The following MSRB2 variants were observed in gnomAD, a reference collection of about 807,000 sequenced individuals.
The protein encoded by MSRB2 is methionine-R-sulfoxide reductase B2, mitochondrial.
MSRB2 carries 17 observed loss-of-function variants against 19.0 expected under a neutral mutation model. That is an observed-to-expected ratio of 0.89 (90% CI 0.61 to 1.34). MSRB2 has a LOEUF of 1.34. Among genes scored for constraint, MSRB2 ranks in the 40% most tolerant of loss-of-function variants. The pLI is 0.00. For synonymous variants in MSRB2, 107 were observed against 99.7 expected (o/e 1.07, Z -0.44); for missense variants, 208 against 237.6 (o/e 0.88, Z 0.82).
chr10:23,119,663 G>T (rs1292521166), intron 4 of MSRB2, among the ~76,000 whole-genome samples: 3 of 152,102 alleles, frequency 2.0e-5, no homozygotes, highest in Non-Finnish European at 4.4e-5. Context: ...GAGTGCAGTG[G>T]CATGATCTCA....
intron 2 of MSRB2, among the ~76,000 whole-genome samples, chr10:23,107,605 C>T (rs986154291): frequency 2.0e-5 from 3 of 152,208 alleles, no homozygotes; most frequent in Admixed American, 1.3e-4. Flanking sequence ...CTCCCCCCTT[C>T]GTAGTGAAGG....
intron 3 of MSRB2, among the ~76,000 whole-genome samples, chr10:23,115,476 G>A (rs1008854949): frequency 1.3e-5 from 2 of 152,176 alleles, no homozygotes; most frequent in Non-Finnish European, 2.9e-5. Context: ...TCCCTCAAAG[G>A]AATAGAAATT....
chr10:23,098,511 C>T (rs564185175), intron 1 of MSRB2, among the ~76,000 whole-genome samples: 16 of 152,212 alleles, frequency 1.1e-4, no homozygotes, highest in African/African-American at 3.6e-4. Context: ...TAGCAGCAAC[C>T]GATAAATGTT....
At chr10:23,097,320 T>C (rs1839879658) in intron 1 of MSRB2, among the ~76,000 whole-genome samples, 1 of 152,220 alleles carries the variant, frequency 6.6e-6, no homozygotes, top group African/African-American at 2.4e-5. Flanking sequence ...CAGGCTGCTA[T>C]TGCAAAACAC....
At chr10:23,095,858 T>TCCCCCCC (rs55816790) in intron 1 of MSRB2, 132 bp downstream of exon 1, 7 of 365,972 alleles carry the variant, frequency 1.9e-5, no homozygotes, top group South Asian at 1.3e-4. Context: ...GGCGCGCCCC[T>TCCCCCCC]CCCCCCCCCC....
chr10:23,102,337 C>G (rs986332005), intron 1 of MSRB2, among the ~76,000 whole-genome samples: 5 of 152,162 alleles, frequency 3.3e-5, no homozygotes, highest in Admixed American at 6.5e-5. Flanking sequence ...GCACCCTTGT[C>G]TAATACACAG....
intron 3 of MSRB2, among the ~76,000 whole-genome samples, chr10:23,117,408 A>C (rs1490784222): frequency 1.3e-5 from 2 of 152,196 alleles, no homozygotes; most frequent in Non-Finnish European, 2.9e-5. Flanking sequence ...ACATATGAAG[A>C]TTCAGTTGTC....
At chr10:23,096,338 G>GTCTCTCTC (rs1235544329) in intron 1 of MSRB2, among the ~76,000 whole-genome samples, 3 of 138,352 alleles carry the variant, frequency 2.2e-5, no homozygotes, top group African/African-American at 7.7e-5. Flanking sequence ...GTGTGTGTGT[G>GTCTCTCTC]TCTCTCTCTC....
rs74121749 is a variant in MSRB2, at chr10:23,115,588, C to T, written c.297-3716C>T. ...TCAAGGAAAACCAAAGCAAATAAAACGAAACAAAGTAAAAATCCCTTAGAG... is the reference window on the plus strand; with the variant it reads ...TCAAGGAAAACCAAAGCAAATAAAATGAAACAAAGTAAAAATCCCTTAGAG... On this transcript the variant is annotated intron_variant, in intron 3 of 4. Transcript: ENST00000376510. Among the ~76,000 whole-genome samples, 458 of 152,252 alleles carry T rather than the reference C, an allele frequency of 3.0e-3. 5 individuals are homozygous for T. The highest frequency in any genetic ancestry group is 0.01 in the African/African-American group (420 of 41,568).
chr10:23,105,196 C>A (rs1358632039), intron 2 of MSRB2, among the ~76,000 whole-genome samples: 1 of 144,662 alleles, frequency 6.9e-6, no homozygotes, highest in African/African-American at 2.7e-5. Flanking sequence ...ACATTTATCT[C>A]TCTCTCTCTG....
intron 2 of MSRB2, among the ~76,000 whole-genome samples, chr10:23,108,104 C>A (rs1367401527): frequency 6.6e-6 from 1 of 151,768 alleles, no homozygotes; most frequent in Non-Finnish European, 1.5e-5. Context: ...ATTACAGGTG[C>A]CTGCCACTAC....
In MSRB2 at chr10:23,119,464, ATT is replaced by A. The variant is rs774830800; in HGVS notation, c.444+16_444+17del. The A allele has an allele frequency of 4.3e-5, 69 of 1,609,500 alleles. No individual in the cohort carries two copies. In the African/African-American group the frequency reaches 9.0e-4, roughly 21 times the overall value. ...TGTCTGCAAGCAGGTGAGGTTTCTC[ATT>A]TTGTTTTACTTTCCCTGATGCTGCC... On this transcript the variant is annotated intron_variant, in intron 4 of 4. Transcript: ENST00000376510.
chr10:23,119,573 A>T, intron 4 of MSRB2, 122 bp downstream of exon 4: 1 of 1,180,154 alleles, frequency 8.5e-7, no homozygotes, highest in Non-Finnish European at 1.2e-6. Context: ...TTCAGAACAC[A>T]TGGGGTTTCT....
At chr10:23,116,111 AT>A (rs1840107143) in intron 3 of MSRB2, among the ~76,000 whole-genome samples, 1 of 152,224 alleles carries the variant, frequency 6.6e-6, no homozygotes, top group Admixed American at 6.5e-5. Context: ...TAATAAAAAA[AT>A]ATTAAAAAAT....
In MSRB2 at chr10:23,100,676, C is replaced by G. The variant is rs552487438; in HGVS notation, c.119-3468C>G. Among the ~76,000 whole-genome samples, 55 of 152,260 alleles carry G rather than the reference C, an allele frequency of 3.6e-4. No homozygotes were observed. In the South Asian group the frequency reaches 0.01, roughly 29 times the overall value. On this transcript the variant is annotated intron_variant, in intron 1 of 4. Transcript: ENST00000376510. ...AACAACCAGATCTCTCGATAACTCA[C>G]TATCACGAGAACAGCACCAAAGGGG...
Position 23,121,583 on chromosome 10 carries a change from C to CA in MSRB2, c.*722dup, listed in dbSNP as rs1202533731. On this transcript the variant is annotated 3_prime_UTR_variant, in exon 5 of 5. Coordinates refer to ENST00000376510, the MANE Select transcript of MSRB2 (RefSeq NM_012228.4). ...GACAGCTGTTTCCATCAAACACTTC[C>CA]ACAGCTTCACCTGAGACGAGGGCAT... is the stretch of plus-strand genomic sequence containing the variant. 3.3e-5 allele frequency: 5 copies of CA among 152,380 alleles called. No homozygotes were observed. In the East Asian group the frequency reaches 9.6e-4, roughly 29 times the overall value. 9.4% of individuals were successfully genotyped at this position (152,380 alleles called of 1,614,324 possible).
chr10:23,097,821 A>G (rs1402911509), intron 1 of MSRB2, among the ~76,000 whole-genome samples: 1 of 152,236 alleles, frequency 6.6e-6, no homozygotes, highest in African/African-American at 2.4e-5. Flanking sequence ...TTATGATTAC[A>G]TAAATAAGTG....
intron 1 of MSRB2, among the ~76,000 whole-genome samples, chr10:23,101,511 C>T (rs1395465557): frequency 1.3e-5 from 2 of 152,182 alleles, no homozygotes; most frequent in Non-Finnish European, 2.9e-5. Context: ...TTCTTTGCCT[C>T]TGGGTAGATA....
intron 2 of MSRB2, among the ~76,000 whole-genome samples, chr10:23,105,022 G>A (rs1056302457): frequency 1.3e-5 from 2 of 152,146 alleles, no homozygotes; most frequent in Non-Finnish European, 2.9e-5. Context: ...GTGGTGGCTG[G>A]CCTAGTAGGC....
Sources: gnomAD v4.1 joint callset for allele counts (sites outside exome capture counted in the v4.1 genomes callset) on GRCh38, gnomAD v4.1.1 for gene constraint, MANE v1.5 for transcripts, NCBI Gene and HGNC (gene_info 2026-07-23, HGNC 2026-07-21) for gene names.